Variants in CDK5RAP3 observed in about 807,000 individuals in gnomAD.
The protein encoded by CDK5RAP3 is CDK5 regulatory subunit associated protein 3.
CDK5RAP3 carries 58 observed loss-of-function variants against 73.3 expected under a neutral mutation model. That is an observed-to-expected ratio of 0.79 (90% CI 0.64 to 0.98). The LOEUF (loss-of-function observed/expected upper bound fraction) is 0.98. CDK5RAP3 is among the 50% of genes least tolerant of loss of function. CDK5RAP3 has a pLI of 0.00. For synonymous variants in CDK5RAP3, 224 were observed against 247.5 expected (o/e 0.91, Z 0.89); for missense variants, 525 against 615.8 (o/e 0.85, Z 1.56).
At chr17:47,976,102 G>A in intron 8 of CDK5RAP3, 89 bp downstream of exon 8, 1 of 1,469,024 alleles carries the variant, frequency 6.8e-7, no homozygotes, top group South Asian at 1.3e-5. Flanking sequence ...AAGACCCAGA[G>A]AGAAGAAGGG....
chr17:47,973,762 A>G, intron 3 of CDK5RAP3, 112 bp downstream of exon 3: 1 of 1,417,562 alleles, frequency 7.1e-7, no homozygotes, highest in South Asian at 1.3e-5. Context: ...AGAGGGAGCG[A>G]TTTTTATTTG....
At chr17:47,980,130 GTC>G (rs954532412) in intron 11 of CDK5RAP3, 2 of 166,888 alleles carry the variant, frequency 1.2e-5, no homozygotes, top group African/African-American at 4.8e-5. Flanking sequence ...GGTGACAGTA[GTC>G]TCTCCTAGCG....
At chr17:47,968,410 G>A (rs1030779638), upstream of CDK5RAP3, among the ~76,000 whole-genome samples, 3 of 152,120 alleles carry the variant, frequency 2.0e-5, no homozygotes, top group Non-Finnish European at 4.4e-5. Context: ...CGCCTCCCAA[G>A]TTCAGGTGAT....
chr17:47,969,532 G>C (rs1209074933), upstream of CDK5RAP3, among the ~76,000 whole-genome samples: 3 of 131,164 alleles, frequency 2.3e-5, no homozygotes, highest in Non-Finnish European at 4.6e-5. Context: ...ACTCCAGCCC[G>C]GGCGACAGAG....
chr17:47,975,619 G>T lies in CDK5RAP3; in HGVS notation c.619G>T (p.Val207Leu). Residue 207 changes from valine to leucine, a missense_variant, in exon 7 of 14, where the codon GTG becomes TTG. By Grantham distance (32) the Val-to-Leu change is conservative. Around this residue, in one of 2 missense-constraint regions of CDK5RAP3, gnomAD observed 409 missense variants for 429.8 expected, o/e 0.95. Coordinates refer to ENST00000338399, the MANE Select transcript of CDK5RAP3 (RefSeq NM_176096.3). The part of the protein sequence containing the change: ...AQQSLGEAID[V>L]YQASVGFVCE... Reference sequence around the variant, plus strand: ...GCAGTCCCTGGGGGAAGCCATTGACGTGTACCAGGCGTCTGTGGGGTTTGT... The same window carrying T: ...GCAGTCCCTGGGGGAAGCCATTGACTTGTACCAGGCGTCTGTGGGGTTTGT... The T allele has an allele frequency of 6.2e-7, 1 of 1,606,394 alleles. No individual in the cohort carries two copies. Among genetic ancestry groups the T allele is most frequent in the Non-Finnish European group, 8.5e-7 (1 of 1,179,786 alleles).
intron 5 of CDK5RAP3, chr17:47,974,748 C>G (rs1451532791): frequency 4.6e-6 from 6 of 1,299,938 alleles, no homozygotes; most frequent in Non-Finnish European, 5.9e-6. Context: ...GCCCCCACCC[C>G]CACCCCCGCA....
rs1379083828 is a variant in CDK5RAP3, at chr17:47,974,804, C to T, written c.335-355C>T. The T allele has an allele frequency of 1.4e-5, 17 of 1,259,252 alleles. No homozygotes were observed. In the South Asian group the frequency reaches 1.4e-4, roughly 11 times the overall value. The allele number at this position is 1,259,252 out of a possible 1,614,324, so 78.0% of individuals were successfully genotyped here. On this transcript the variant is annotated intron_variant, in intron 5 of 13. Coordinates refer to ENST00000338399, the MANE Select transcript of CDK5RAP3 (RefSeq NM_176096.3). ...GAAGAGGCACGGGTTTTTCTGGGAG[C>T]GAATATCAAGTGCCTGAGAGCAACT...
At chr17:47,981,383 C>T (rs779667698) in intron 13 of CDK5RAP3, 49 bp downstream of exon 13, 2 of 1,614,144 alleles carry the variant, frequency 1.2e-6, no homozygotes, top group South Asian at 1.1e-5. Context: ...CCAGTCTGTG[C>T]AAAATGAGGC....
Position 47,975,659 on chromosome 17 carries a change from G to C in CDK5RAP3, c.653+6G>C. On this transcript the variant is annotated splice_donor_region_variant and intron_variant, in intron 7 of 13. Coordinates refer to ENST00000338399, the MANE Select transcript of CDK5RAP3 (RefSeq NM_176096.3). ...GTGGGGTTTGTGTGTGAGAGGTAGAGAGGCCTCAGCTTCTCCTGGTGGGGG... is the reference window on the plus strand; with the variant it reads ...GTGGGGTTTGTGTGTGAGAGGTAGACAGGCCTCAGCTTCTCCTGGTGGGGG... 6.3e-7 allele frequency: 1 copy of C among 1,593,126 alleles called. No individual in the cohort carries two copies. Among genetic ancestry groups the C allele is most frequent in the Non-Finnish European group, 8.5e-7 (1 of 1,173,122 alleles).
intron 12 of CDK5RAP3, 175 bp from the exon 13 acceptor site, chr17:47,980,988 T>C: frequency 1.2e-6 from 1 of 860,826 alleles, no homozygotes; most frequent in East Asian, 2.6e-5. Flanking sequence ...GCTTGCTTCC[T>C]GAGTAGGACA....
intron 10 of CDK5RAP3, 144 bp downstream of exon 10, chr17:47,978,054 G>GT (rs922535607): frequency 7.5e-5 from 38 of 507,580 alleles, no homozygotes; most frequent in Non-Finnish European, 1.2e-4. Context: ...TGTGAGCTGA[G>GT]GGGGACCAAG....
rs894393552 is a variant in CDK5RAP3, at chr17:47,974,007, C to T, written c.261C>T (p.Gly87=). The T allele has an allele frequency of 2.5e-6, 4 of 1,613,578 alleles. No individual in the cohort carries two copies. The highest frequency in any genetic ancestry group is 3.4e-6 in the Non-Finnish European group (4 of 1,179,594). The stretch of plus-strand genomic sequence containing the variant: ...AGGCCTCCACGAAGAATATTTTTGG[C>T]CGATACTCTTCACAGCGGATGAAGG... ...GTEASTKNIF[G]RYSSQRMKDW... The change falls in exon 4 of 14, where the codon GGC becomes GGT. Residue 87 remains glycine, a synonymous_variant. Transcript: ENST00000338399.
chr17:47,977,719 T>C (rs1033467861), intron 9 of CDK5RAP3, 113 bp from the exon 10 acceptor site: 4 of 839,112 alleles, frequency 4.8e-6, no homozygotes, highest in Non-Finnish European at 7.6e-6. Context: ...TGCAAATCCT[T>C]AATAGAGTTG....
At position 47,978,920 on chromosome 17, in the gene CDK5RAP3, A is replaced by G; in HGVS notation, c.1077+3A>G. 3 of 1,611,884 alleles carry G rather than the reference A, an allele frequency of 1.9e-6. No individual in the cohort carries two copies. The highest frequency in any genetic ancestry group is 1.1e-5 in the South Asian group (1 of 91,038). The stretch of plus-strand genomic sequence containing the variant: ...AGTTCCTTGATGAGCTCATGGAGGT[A>G]CTGTCATCTCTGGAAGATGCAGGGG... On this transcript the variant is annotated splice_donor_region_variant and intron_variant, in intron 11 of 13. Coordinates refer to ENST00000338399, the MANE Select transcript of CDK5RAP3 (RefSeq NM_176096.3).
At chr17:47,971,018 A>G, upstream of CDK5RAP3, 1 of 1,516,324 alleles carries the variant, frequency 6.6e-7, no homozygotes, top group South Asian at 1.3e-5. Context: ...GATTGGCTGT[A>G]CGGAAGGCGG....
chr17:47,978,094 A>T, intron 10 of CDK5RAP3, 184 bp downstream of exon 10: 1 of 461,956 alleles, frequency 2.2e-6, no homozygotes, highest in Admixed American at 4.6e-5. Flanking sequence ...TTGGAGACGG[A>T]GTTTCGCTCT....
chr17:47,976,485 A>G (rs542164663), intron 8 of CDK5RAP3: 121 of 440,252 alleles, frequency 2.7e-4, no homozygotes, highest in South Asian at 2.4e-3. Flanking sequence ...TCAGCCTCCA[A>G]GATAGCTGGG....
At chr17:47,968,784 G>T (rs12942412), upstream of CDK5RAP3, among the ~76,000 whole-genome samples, 3,617 of 152,230 alleles carry the variant, frequency 0.024, 134 homozygotes, top group African/African-American at 0.082. Context: ...CCAAAGTGCC[G>T]AGATTACAGG....
upstream of CDK5RAP3, among the ~76,000 whole-genome samples, chr17:47,968,116 C>G (rs754391815): frequency 6.6e-6 from 1 of 152,190 alleles, no homozygotes; most frequent in African/African-American, 2.4e-5. Flanking sequence ...CCCAGACAGC[C>G]CCGAGCACAT....
Sources: gnomAD v4.1 joint callset for allele counts (sites outside exome capture counted in the v4.1 genomes callset) on GRCh38, gnomAD v4.1.1 for gene constraint, gnomAD v4.1.1 regional missense constraint, MANE v1.5 for transcripts, NCBI Gene and HGNC (gene_info 2026-07-23, HGNC 2026-07-21) for gene names.